DLGAP1: variants seen among roughly 807,000 people sequenced by gnomAD.
The protein encoded by DLGAP1 is disks large-associated protein 1.
Under a neutral mutation model 90.8 loss-of-function variants are expected in DLGAP1, and 11 were observed. The ratio of observed to expected loss-of-function variants is 0.12; its 90% CI spans 0.08 to 0.20. DLGAP1 has a LOEUF of 0.20. DLGAP1 is among the 10% of genes least tolerant of loss of function. DLGAP1 has a pLI of 1.00. For synonymous variants in DLGAP1, 558 were observed against 540.7 expected (o/e 1.03, Z -0.44); for missense variants, 1,050 against 1,333.8 (o/e 0.79, Z 3.31).
At chr18:4,236,343 G>A (rs1020168726) in intron 1 of DLGAP1, among the ~76,000 whole-genome samples, 3 of 152,040 alleles carry the variant, frequency 2.0e-5, no homozygotes, top group African/African-American at 4.8e-5. Flanking sequence ...CATTCCTTTC[G>A]CTGGGTCTTC....
intron 5 of DLGAP1, among the ~76,000 whole-genome samples, chr18:3,776,760 CAA>C (rs1381488708): frequency 6.6e-6 from 1 of 152,178 alleles, no homozygotes; most frequent in Non-Finnish European, 1.5e-5. Flanking sequence ...AAAAACAATT[CAA>C]AGAGATCACT....
chr18:3,507,993 T>C (rs966542028), intron 11 of DLGAP1, among the ~76,000 whole-genome samples: 31 of 152,226 alleles, frequency 2.0e-4, no homozygotes, highest in African/African-American at 7.5e-4. Context: ...TGCCTTGGCC[T>C]CCCAAAGTGC....
chr18:3,514,538 T>G (rs1228338899), intron 10 of DLGAP1, among the ~76,000 whole-genome samples: 1 of 152,158 alleles, frequency 6.6e-6, no homozygotes, highest in Non-Finnish European at 1.5e-5. Context: ...TATGTTTCAT[T>G]TTAGTCTAAC....
chr18:4,204,835 C>A (rs1446821989), intron 1 of DLGAP1, among the ~76,000 whole-genome samples: 3 of 151,456 alleles, frequency 2.0e-5, no homozygotes, highest in Admixed American at 2.0e-4. Context: ...CTTATATGCA[C>A]GGAAGTATTC....
chr18:3,916,250 G>T (rs1034010545), intron 3 of DLGAP1, among the ~76,000 whole-genome samples: 1 of 152,116 alleles, frequency 6.6e-6, no homozygotes, highest in Non-Finnish European at 1.5e-5. Flanking sequence ...CTGTTTTTGT[G>T]CCCGTGTCTT....
chr18:4,153,478 T>C (rs2144424668), intron 1 of DLGAP1, among the ~76,000 whole-genome samples: 1 of 152,334 alleles, frequency 6.6e-6, no homozygotes, highest in Non-Finnish European at 1.5e-5. Context: ...ATTCTCCATT[T>C]TCTTTTCTTT....
At chr18:3,872,225 C>CAAAAAAAGA (rs2070793458) in intron 4 of DLGAP1, among the ~76,000 whole-genome samples, 1 of 87,106 alleles carries the variant, frequency 1.1e-5, no homozygotes, top group African/African-American at 4.1e-5. Flanking sequence ...CTCTCCAAGA[C>CAAAAAAAGA]AAAAAAAAAA....
chr18:3,570,175 A>C (rs1376583653), intron 8 of DLGAP1, among the ~76,000 whole-genome samples: 1 of 151,904 alleles, frequency 6.6e-6, no homozygotes, highest in Non-Finnish European at 1.5e-5. Flanking sequence ...ACCTAATAAC[A>C]CATTTTCCCA....
At chr18:3,846,840 TTGGAG>T (rs2069046575) in intron 4 of DLGAP1, among the ~76,000 whole-genome samples, 1 of 152,168 alleles carries the variant, frequency 6.6e-6, no homozygotes, top group South Asian at 2.1e-4. Flanking sequence ...GGATTCCTTA[TTGGAG>T]TGAAGAAAAT....
At chr18:3,726,321 A>C (rs558497272) in intron 7 of DLGAP1, among the ~76,000 whole-genome samples, 1 of 152,304 alleles carries the variant, frequency 6.6e-6, no homozygotes, top group South Asian at 2.1e-4. Flanking sequence ...TAAGAAAATC[A>C]ATTTTCTGCA....
chr18:4,442,021 T>C (rs1189473159), intron 1 of DLGAP1, among the ~76,000 whole-genome samples: 1 of 152,188 alleles, frequency 6.6e-6, no homozygotes, highest in East Asian at 1.9e-4. Context: ...AGACAGAATC[T>C]CACTCTGTCG....
At chr18:3,666,514 T>C (rs1195930867) in intron 7 of DLGAP1, among the ~76,000 whole-genome samples, 2 of 152,006 alleles carry the variant, frequency 1.3e-5, no homozygotes, top group East Asian at 3.9e-4. Flanking sequence ...CACCTACCAA[T>C]CCGAGGAAGG....
chr18:4,193,891 C>T (rs2139875), intron 1 of DLGAP1, among the ~76,000 whole-genome samples: 117,224 of 152,096 alleles, frequency 0.77, 45,280 homozygotes, highest in East Asian at 0.95. Flanking sequence ...TTTAATATAA[C>T]GTGAAAATCT....
At chr18:4,398,791 T>C (rs1364712828) in intron 1 of DLGAP1, among the ~76,000 whole-genome samples, 2 of 152,166 alleles carry the variant, frequency 1.3e-5, no homozygotes, top group African/African-American at 4.8e-5. Flanking sequence ...AGTTTAGCCA[T>C]GTAAGACAAG....
At chr18:4,446,386 C>T (rs932987198) in intron 1 of DLGAP1, among the ~76,000 whole-genome samples, 1 of 151,792 alleles carries the variant, frequency 6.6e-6, no homozygotes, top group Non-Finnish European at 1.5e-5. Flanking sequence ...ATTAGACATC[C>T]CATTAAGAAG....
At chr18:3,944,605 G>A (rs1412495923) in intron 3 of DLGAP1, among the ~76,000 whole-genome samples, 1 of 152,222 alleles carries the variant, frequency 6.6e-6, no homozygotes, top group Non-Finnish European at 1.5e-5. Flanking sequence ...GTATGAGCTG[G>A]GGCTGAGGCC....
At chr18:3,793,465 G>C (rs2065840127) in intron 5 of DLGAP1, among the ~76,000 whole-genome samples, 1 of 152,044 alleles carries the variant, frequency 6.6e-6, no homozygotes, top group Non-Finnish European at 1.5e-5. Flanking sequence ...GTCACTCAGA[G>C]TACAACCCAA....
intron 2 of DLGAP1, among the ~76,000 whole-genome samples, chr18:4,079,740 AG>A (rs1365906885): frequency 6.6e-6 from 1 of 151,590 alleles, no homozygotes; most frequent in Non-Finnish European, 1.5e-5. Flanking sequence ...GTGTATGTGG[AG>A]GGTAAGTTCT....
At chr18:4,334,034 T>A (rs55687720) in intron 1 of DLGAP1, among the ~76,000 whole-genome samples, 1 of 150,968 alleles carries the variant, frequency 6.6e-6, no homozygotes, top group African/African-American at 2.4e-5. Flanking sequence ...AGGCCAGGAG[T>A]TCGAGACCAG....
Sources: gnomAD v4.1 joint callset for allele counts (sites outside exome capture counted in the v4.1 genomes callset) on GRCh38, gnomAD v4.1.1 for gene constraint, MANE v1.5 for transcripts, NCBI Gene and HGNC (gene_info 2026-07-23, HGNC 2026-07-21) for gene names.